The following APPL2 variants were observed in gnomAD, a reference collection of about 807,000 sequenced individuals.
APPL2 encodes adaptor protein, phosphotyrosine interacting with PH domain and leucine zipper 2, also known as DCC-interacting protein 13-beta.
In APPL2, 84 loss-of-function variants were observed where a neutral mutation model predicts 92.7. The ratio of observed to expected loss-of-function variants is 0.91; its 90% CI spans 0.76 to 1.09. The LOEUF (loss-of-function observed/expected upper bound fraction) is 1.09. Among genes scored for constraint, APPL2 ranks in the 50% least tolerant of loss-of-function variants. APPL2 has a pLI of 0.00. For synonymous variants in APPL2, 291 were observed against 291.0 expected, an observed-to-expected ratio of 1.00 and a Z score of 0.00; for missense variants, 736 against 824.5, an observed-to-expected ratio of 0.89 and a Z score of 1.31.
chr12:105,201,715 T>C (rs967590750), intron 9 of APPL2, among the ~76,000 whole-genome samples: 9 of 151,872 alleles, frequency 5.9e-5, no homozygotes, highest in African/African-American at 1.9e-4. Context: ...AAAGCATGTA[T>C]ATATATACAC....
chr12:105,176,339 T>C, intron 19 of APPL2: 1 of 542,154 alleles, frequency 1.8e-6, no homozygotes, highest in Non-Finnish European at 3.2e-6. Context: ...TAAAAGTTCT[T>C]AATAGGAATT....
chr12:105,191,500 A>G (rs1887191045), intron 14 of APPL2, among the ~76,000 whole-genome samples: 1 of 152,202 alleles, frequency 6.6e-6, no homozygotes, highest in South Asian at 2.1e-4. Flanking sequence ...TGAGTCTAAG[A>G]TTTTGGCTCC....
chr12:105,193,154 T>C (rs1165549464), intron 14 of APPL2, among the ~76,000 whole-genome samples: 1 of 152,200 alleles, frequency 6.6e-6, no homozygotes, highest in Admixed American at 6.5e-5. Flanking sequence ...GTCCCTTCTG[T>C]GGGGTCCTTT....
In APPL2 at chr12:105,199,442, T is replaced by G; in HGVS notation, c.794A>C (p.Asp265Ala). ...GATCTGTGGTGCGGCCACATCAGAG[T>G]CTGGAGTGTAAACAGATTCATCAAC... is the stretch of plus-strand genomic sequence containing the variant. ...LSVDESVYTP[D>A]SDVAAPQINR... Residue 265 changes from aspartate to alanine, a missense_variant, in exon 10 of 21, where the codon GAC (aspartate) becomes GCC (alanine). By Grantham distance (126) the Asp-to-Ala change is moderately radical (BLOSUM62 -2). Coordinates refer to ENST00000258530, the MANE Select transcript of APPL2 (RefSeq NM_018171.5). 1.2e-6 allele frequency: 2 copies of G among 1,614,072 alleles called. No individual in the cohort carries two copies. The highest frequency in any genetic ancestry group is 1.7e-6 in the Non-Finnish European group (2 of 1,180,004).
chr12:105,186,694 T>TATATG (rs1566056613), intron 17 of APPL2, among the ~76,000 whole-genome samples: 20 of 60,860 alleles, frequency 3.3e-4, no homozygotes, highest in Non-Finnish European at 5.7e-4. Context: ...ATATATATCA[T>TATATG]ATATCATATC....
At chr12:105,211,350 A>ACTTG in intron 4 of APPL2, 33 bp from the exon 5 acceptor site, 2 of 1,412,274 alleles carry the variant, frequency 1.4e-6, no homozygotes, top group Non-Finnish European at 2.0e-6. Context: ...CAAGTAAATT[A>ACTTG]AATACATTAT....
chr12:105,214,391 T>C lies in APPL2; in HGVS notation c.285+2678A>G, dbSNP rs76928879. On this transcript the variant is annotated intron_variant, in intron 4 of 20. Coordinates refer to ENST00000258530, the MANE Select transcript of APPL2 (RefSeq NM_018171.5). ...ACATGTGACTCAGGAGTGTAGTCTA[T>C]TGCTTCTCGCCCTGGGTTATCTTTC... Among the ~76,000 whole-genome samples, 666 of 152,308 alleles carry C rather than the reference T, an allele frequency of 4.4e-3. 9 individuals carry two copies. Among genetic ancestry groups the C allele is most frequent in the African/African-American group, 0.015 (627 of 41,570 alleles).
At chr12:105,214,302 G>C (rs1458202987) in intron 4 of APPL2, among the ~76,000 whole-genome samples, 2 of 152,192 alleles carry the variant, frequency 1.3e-5, no homozygotes, top group Admixed American at 1.3e-4. Flanking sequence ...TTTTAAACTG[G>C]AAATCTTGCT....
Position 105,176,916 on chromosome 12 carries a change from A to G in APPL2, c.1772T>C (p.Leu591Pro). Residue 591 changes from leucine (L) to proline (P), a missense_variant, in exon 19 of 21, where the codon CTG becomes CCG. By Grantham distance (98) the Leu-to-Pro change is moderately conservative. Transcript: ENST00000258530. ...GTTGCTTTCAAAAATGTATGTACTC[A>G]GAGATTCTTCTCCAGTGGATTCAGG... The part of the protein sequence containing the change: ...RVPESTGEES[L>P]STYIFESNSE... 1 of 1,614,142 alleles carries G rather than the reference A, an allele frequency of 6.2e-7. No homozygotes were observed. The highest frequency in any genetic ancestry group is 8.5e-7 in the Non-Finnish European group (1 of 1,180,020).
At chr12:105,182,229 A>G (rs1302491544) in intron 17 of APPL2, among the ~76,000 whole-genome samples, 4 of 152,146 alleles carry the variant, frequency 2.6e-5, no homozygotes, top group Non-Finnish European at 5.9e-5. Flanking sequence ...GGGTTTCATC[A>G]TGTTGGCCAG....
chr12:105,193,720 C>T (rs1887417668), intron 14 of APPL2, among the ~76,000 whole-genome samples: 1 of 152,160 alleles, frequency 6.6e-6, no homozygotes, highest in Non-Finnish European at 1.5e-5. Flanking sequence ...TCTTTCTCCT[C>T]TTTTTTAAAA....
At chr12:105,220,827 A>G (rs570584322) in intron 2 of APPL2, among the ~76,000 whole-genome samples, 2 of 152,370 alleles carry the variant, frequency 1.3e-5, no homozygotes, top group East Asian at 3.9e-4. Flanking sequence ...CTCAGGGAAG[A>G]AGGGGCACAG....
chr12:105,174,047 C>T lies in APPL2; in HGVS notation c.*267G>A, dbSNP rs12228948. ...GCATTTTTCAAACTTTTGTTCTGAG[C>T]GCTGAACAATCTAAGAAATTTTAGC... On this transcript the variant is annotated 3_prime_UTR_variant, in exon 21 of 21. Coordinates refer to ENST00000258530, the MANE Select transcript of APPL2 (RefSeq NM_018171.5). The T allele has an allele frequency of 0.18, 59,490 of 325,444 alleles. 5,850 individuals are homozygous for T. Among genetic ancestry groups the T allele is most frequent in the East Asian group, 0.23 (3,537 of 15,194 alleles). The allele number at this position is 325,444 out of a possible 1,614,324, so 20.2% of individuals were successfully genotyped here.
At chr12:105,189,914 T>A in intron 15 of APPL2, 77 bp downstream of exon 15, 1 of 1,611,240 alleles carries the variant, frequency 6.2e-7, no homozygotes, top group South Asian at 1.1e-5. Flanking sequence ...GGCAACAGTC[T>A]TTGGTGGTGG....
chr12:105,179,073 G>A (rs118049128), intron 17 of APPL2, among the ~76,000 whole-genome samples: 1,852 of 152,226 alleles, frequency 0.012, 22 homozygotes, highest in Middle Eastern at 0.044. Flanking sequence ...TGCTGTGGTG[G>A]TTTGCTGCGC....
rs1885273791 is a variant in APPL2, at chr12:105,174,359, A to G, written c.1950T>C (p.Asp650=). 1 of 1,614,018 alleles carries G rather than the reference A, an allele frequency of 6.2e-7. No individual in the cohort carries two copies. Among genetic ancestry groups the G allele is most frequent in the South Asian group, 1.1e-5 (1 of 91,070 alleles). Residue 650 remains aspartate (D), a synonymous_variant, in exon 21 of 21, where the codon GAT becomes GAC. Transcript: ENST00000258530. ...CTCTATGTTCGTTTGGATTTCCATCATCGTCATCTGGTTGATCGTTTAACA... is the reference window on the plus strand; with the variant it reads ...CTCTATGTTCGTTTGGATTTCCATCGTCGTCATCTGGTTGATCGTTTAACA... ...YVLLNDQPDD[D]DGNPNEHRGA...
intron 2 of APPL2, among the ~76,000 whole-genome samples, chr12:105,224,639 C>A (rs538294087): frequency 6.6e-6 from 1 of 152,320 alleles, no homozygotes; most frequent in African/African-American, 2.4e-5. Flanking sequence ...ACAAATACCT[C>A]CCCTCTGTTG....
Position 105,207,173 on chromosome 12 carries a change from G to A in APPL2, c.509C>T (p.Ala170Val), listed in dbSNP as rs1888781525. The A allele has an allele frequency of 6.2e-7, 1 of 1,613,776 alleles. No homozygotes were observed. The highest frequency in any genetic ancestry group is 8.5e-7 in the Non-Finnish European group (1 of 1,179,978). Reference protein sequence around the residue: ...KTEVGKEVAAARRKQHLSSLQ... With the variant: ...KTEVGKEVAAVRRKQHLSSLQ... ...GGAGGAGAGGTGCTGCTTCCGCCGG[G>A]CCGCGGCCACCTCTTTTCCGACTTC... is the stretch of plus-strand genomic sequence containing the variant. Residue 170 changes from alanine (A) to valine (V), a missense_variant, in exon 8 of 21, where the codon GCC (alanine) becomes GTC (valine). Ala to Val is a moderately conservative substitution (Grantham distance 64). Transcript: ENST00000258530.
At chr12:105,217,013 A>C in intron 4 of APPL2, 56 bp downstream of exon 4, 2 of 1,334,360 alleles carry the variant, frequency 1.5e-6, no homozygotes, top group Non-Finnish European at 2.1e-6. Flanking sequence ...CCAAAATAAC[A>C]ACAAAAGAAA....
Sources: gnomAD v4.1 joint callset for allele counts (sites outside exome capture counted in the v4.1 genomes callset) on GRCh38, gnomAD v4.1.1 for gene constraint, MANE v1.5 for transcripts, NCBI Gene and HGNC (gene_info 2026-07-23, HGNC 2026-07-21) for gene names.